IDE: variants seen among roughly 807,000 people sequenced by gnomAD.
IDE encodes insulin-degrading enzyme.
IDE carries 58 observed loss-of-function variants against 133.2 expected under a neutral mutation model. The ratio of observed to expected loss-of-function variants is 0.44; its 90% CI spans 0.35 to 0.54. IDE has a LOEUF of 0.54. IDE is among the 20% of genes least tolerant of loss of function. The pLI is 0.00. For missense variants in IDE, 981 were observed against 1,234.0 expected, an observed-to-expected ratio of 0.79 and a Z score of 3.07; for synonymous variants, 396 against 421.3, an observed-to-expected ratio of 0.94 and a Z score of 0.73.
intron 4 of IDE, among the ~76,000 whole-genome samples, chr10:92,528,461 GA>G (rs777854346): frequency 0.13 from 16,925 of 127,024 alleles, 1,083 homozygotes; most frequent in South Asian, 0.19. Flanking sequence ...AGTTTCTCTA[GA>G]AAAAAAAAAA....
At chr10:92,472,941 AT>A (rs535455118) in intron 17 of IDE, among the ~76,000 whole-genome samples, 393 of 121,690 alleles carry the variant, frequency 3.2e-3, no homozygotes, top group Admixed American at 3.7e-3. Context: ...CCAGCCCAGA[AT>A]TTTTTTTTTT....
intron 22 of IDE, among the ~76,000 whole-genome samples, chr10:92,458,494 T>TTTTG (rs1845159835): frequency 1.3e-5 from 1 of 78,606 alleles, no homozygotes; most frequent in Non-Finnish European, 2.9e-5. Context: ...CTCTCTGTTT[T>TTTTG]TTTTTTTTTT....
chr10:92,474,025 T>C (rs2088669884), intron 17 of IDE, among the ~76,000 whole-genome samples: 2 of 151,888 alleles, frequency 1.3e-5, no homozygotes, highest in South Asian at 2.1e-4. Context: ...ATTAACAAGG[T>C]TAGTACTTGG....
chr10:92,515,648 G>A (rs1409453991), intron 4 of IDE, among the ~76,000 whole-genome samples: 2 of 137,176 alleles, frequency 1.5e-5, no homozygotes, highest in Admixed American at 7.9e-5. Flanking sequence ...CCCAACCTCC[G>A]CCTCCCGGGT....
At chr10:92,547,121 C>T (rs963551148) in intron 1 of IDE, among the ~76,000 whole-genome samples, 4 of 152,086 alleles carry the variant, frequency 2.6e-5, no homozygotes, top group Non-Finnish European at 4.4e-5. Context: ...TCACTCCCAG[C>T]GCCCAGGCTG....
intron 2 of IDE, 138 bp from the exon 3 acceptor site, chr10:92,534,923 A>G (rs1367668992): frequency 2.5e-5 from 16 of 638,046 alleles, no homozygotes; most frequent in Non-Finnish European, 3.8e-5. Context: ...ACCTAAAATG[A>G]TATTATTTAG....
intron 14 of IDE, among the ~76,000 whole-genome samples, chr10:92,482,844 C>T (rs1846699426): frequency 6.6e-6 from 1 of 151,424 alleles, no homozygotes; most frequent in African/African-American, 2.4e-5. Flanking sequence ...CTGGCTCTGT[C>T]GCCCAGGCTG....
In IDE at chr10:92,453,077, C is replaced by G. The variant is rs1478212675; in HGVS notation, c.*1367G>C. ...TTTACAGAAGAAAGTCCTAGCCAAT[C>G]AAATCATATGGGGAGGTAAAATGTC... On this transcript the variant is annotated 3_prime_UTR_variant, in exon 25 of 25. Transcript: ENST00000265986. The G allele has an allele frequency of 6.6e-6, 1 of 152,176 alleles. No individual in the cohort carries two copies. Among genetic ancestry groups the G allele is most frequent in the Non-Finnish European group, 1.5e-5 (1 of 68,028 alleles). 9.4% of individuals were successfully genotyped at this position (152,176 alleles called of 1,614,324 possible). A position where few individuals can be genotyped will look rare whatever the true frequency, so the allele number is the denominator to read the frequency against.
At chr10:92,567,782 T>C (rs897540770) in intron 1 of IDE, among the ~76,000 whole-genome samples, 1 of 152,276 alleles carries the variant, frequency 6.6e-6, no homozygotes, top group South Asian at 2.1e-4. Flanking sequence ...GAGATCAGTA[T>C]GGACAACATA....
At chr10:92,532,562 A>C (rs1345026314) in intron 3 of IDE, among the ~76,000 whole-genome samples, 1 of 152,220 alleles carries the variant, frequency 6.6e-6, no homozygotes, top group African/African-American at 2.4e-5. Context: ...AAATTTTAAT[A>C]AGCAGTGATT....
chr10:92,567,908 C>T (rs1843628096), intron 1 of IDE, among the ~76,000 whole-genome samples: 1 of 152,182 alleles, frequency 6.6e-6, no homozygotes, highest in Non-Finnish European at 1.5e-5. Flanking sequence ...GAGTTCATGG[C>T]TGCAGTGAGT....
intron 1 of IDE, among the ~76,000 whole-genome samples, chr10:92,543,138 A>T (rs1258744236): frequency 6.6e-6 from 1 of 152,362 alleles, no homozygotes; most frequent in Non-Finnish European, 1.5e-5. Context: ...GTGAATTACA[A>T]ACCAAAACCT....
At chr10:92,508,328 ATTGGG>A in intron 7 of IDE, 123 bp from the exon 8 acceptor site, 2 of 766,458 alleles carry the variant, frequency 2.6e-6, no homozygotes, top group African/African-American at 1.7e-5. Context: ...TTGCGAAAAG[ATTGGG>A]AAAAAAAAAT....
intron 10 of IDE, among the ~76,000 whole-genome samples, chr10:92,505,190 G>T (rs1848231867): frequency 6.6e-6 from 1 of 152,106 alleles, no homozygotes; most frequent in Non-Finnish European, 1.5e-5. Context: ...GAATGTTTCT[G>T]GTTAAAAACT....
rs71028826 is a variant in IDE at position 92,550,650 on chromosome 10, C to CAAA, written c.99-13103_99-13101dup. On this transcript the variant is annotated intron_variant, in intron 1 of 24. Coordinates refer to ENST00000265986, the MANE Select transcript of IDE (RefSeq NM_004969.4). ...TGGGCAACAGAGCTAGACTCCGTCT[C>CAAA]AAAAAAAAAAAAAAAAAAAAAAAAT... is the stretch of plus-strand genomic sequence containing the variant. Among the ~76,000 whole-genome samples, 37 of 57,350 alleles carry CAAA rather than the reference C, an allele frequency of 6.5e-4. 1 individual carries two copies. The highest frequency in any genetic ancestry group is 7.3e-4 in the Non-Finnish European group (24 of 32,794). 37.6% of individuals were successfully genotyped at this position (57,350 alleles called of 152,430 possible). A position where few individuals can be genotyped will look rare whatever the true frequency, so the allele number is the denominator to read the frequency against.
chr10:92,490,475 T>C lies in IDE; in HGVS notation c.1533+18A>G, dbSNP rs367574901. The C allele has an allele frequency of 5.6e-6, 8 of 1,425,164 alleles. No individual in the cohort carries two copies. The highest frequency in any genetic ancestry group is 4.2e-5 in the African/African-American group (3 of 71,048). 88.3% of individuals were successfully genotyped at this position (1,425,164 alleles called of 1,614,324 possible). A position where few individuals can be genotyped will look rare whatever the true frequency, so the allele number is the denominator to read the frequency against. On this transcript the variant is annotated intron_variant, in intron 12 of 24. Transcript: ENST00000265986. ...ATTCCTCACATGTCAGGCTTATTCATAGATGAGTTAACCCTACCTTGATGA... is the reference window on the plus strand; with the variant it reads ...ATTCCTCACATGTCAGGCTTATTCACAGATGAGTTAACCCTACCTTGATGA...
intron 11 of IDE, among the ~76,000 whole-genome samples, chr10:92,496,264 G>A (rs911741674): frequency 2.6e-5 from 4 of 152,184 alleles, no homozygotes; most frequent in African/African-American, 4.8e-5. Context: ...TTCTTACCAG[G>A]TCAAATTCTG....
chr10:92,508,050 A>C (rs1200918195), intron 8 of IDE, 63 bp downstream of exon 8: 9 of 1,131,008 alleles, frequency 8.0e-6, no homozygotes, highest in Non-Finnish European at 1.2e-5. Context: ...AGCATGAAGA[A>C]GTTAAAAAAC....
At chr10:92,492,069 G>T (rs1847385615) in intron 11 of IDE, among the ~76,000 whole-genome samples, 1 of 151,970 alleles carries the variant, frequency 6.6e-6, no homozygotes, top group Admixed American at 6.5e-5. Context: ...GATCATCCTG[G>T]CTAACATGGT....
Sources: allele counts gnomAD v4.1 joint callset (sites outside exome capture counted in the v4.1 genomes callset), GRCh38; gene constraint gnomAD v4.1.1; transcripts MANE v1.5; gene names NCBI Gene and HGNC (gene_info 2026-07-23, HGNC 2026-07-21).